The following SETBP1 variants were observed in gnomAD, a reference collection of about 807,000 sequenced individuals.
SETBP1 encodes the protein SET-binding protein.
Under a neutral mutation model 101.0 loss-of-function variants are expected in SETBP1, and 9 were observed. That is an observed-to-expected ratio of 0.09 (90% CI 0.05 to 0.16). SETBP1 has a LOEUF of 0.16. Among genes scored for constraint, SETBP1 ranks in the 10% least tolerant of loss-of-function variants. The pLI is 1.00. For missense variants in SETBP1, 1,858 were observed against 2,033.8 expected (o/e 0.91, Z 1.66); for synonymous variants, 818 against 788.5 (o/e 1.04, Z -0.63).
chr18:44,893,561 C>T (rs1351784376), intron 3 of SETBP1, among the ~76,000 whole-genome samples: 2 of 152,182 alleles, frequency 1.3e-5, no homozygotes, highest in Non-Finnish European at 2.9e-5. Context: ...TCAATGTTCT[C>T]TCCTCACCCC....
chr18:45,038,547 G>C lies in SETBP1; in HGVS notation c.4063G>C (p.Val1355Leu). The C allele has an allele frequency of 1.2e-6, 2 of 1,614,154 alleles. No individual in the cohort carries two copies. The highest frequency in any genetic ancestry group is 1.1e-5 in the South Asian group (1 of 91,082). The change falls in exon 5 of 6, where the codon GTG becomes CTG. Residue 1355 changes from valine to leucine, a missense_variant. Coordinates refer to ENST00000649279, the MANE Select transcript of SETBP1 (RefSeq NM_015559.3). ...TAVHSKNEGS[V>L]PTMMTRKKPA... ...AGTGCATAGTAAGAACGAAGGCTCAGTGCCCACCATGATGACCAGGAAGAA... is the reference window on the plus strand; with the variant it reads ...AGTGCATAGTAAGAACGAAGGCTCACTGCCCACCATGATGACCAGGAAGAA...
At position 44,689,376 on chromosome 18, in the gene SETBP1, T is replaced by C. The variant is rs1203989545; in HGVS notation, c.-173+8355T>C. Reference sequence around the variant, plus strand: ...GACACCTTTGTGGTCCGAGGTCTTCTGTCCACAGTGAGAAGGATAAAACCC... The same window carrying C: ...GACACCTTTGTGGTCCGAGGTCTTCCGTCCACAGTGAGAAGGATAAAACCC... On this transcript the variant is annotated intron_variant, in intron 1 of 5. Coordinates refer to ENST00000649279, the MANE Select transcript of SETBP1 (RefSeq NM_015559.3). Among the ~76,000 whole-genome samples, 12 of 152,240 alleles carry C rather than the reference T, an allele frequency of 7.9e-5. 1 individual carries two copies. Among genetic ancestry groups the C allele is most frequent in the Non-Finnish European group, 1.8e-4 (12 of 68,042 alleles).
At chr18:44,715,030 C>T (rs970822796) in intron 2 of SETBP1, among the ~76,000 whole-genome samples, 1 of 152,100 alleles carries the variant, frequency 6.6e-6, no homozygotes, top group Non-Finnish European at 1.5e-5. Flanking sequence ...CAGCTAATTA[C>T]TGAGGTTGGT....
At chr18:44,876,730 G>A (rs1568195536) in intron 3 of SETBP1, 1 of 1,540,550 alleles carries the variant, frequency 6.5e-7, no homozygotes, top group East Asian at 2.5e-5. Context: ...CAGTGAACCT[G>A]CAGTCTGGGC....
intron 2 of SETBP1, among the ~76,000 whole-genome samples, chr18:44,758,708 G>C (rs1438599198): frequency 6.6e-6 from 1 of 152,212 alleles, no homozygotes; most frequent in Non-Finnish European, 1.5e-5. Flanking sequence ...AGATCTTGCT[G>C]CTGATTTCAT....
chr18:44,932,677 TC>T (rs1418191716), intron 3 of SETBP1, among the ~76,000 whole-genome samples: 1 of 152,226 alleles, frequency 6.6e-6, no homozygotes, highest in African/African-American at 2.4e-5. Context: ...TCTTCTCGCT[TC>T]ATTTCATTTA....
intron 4 of SETBP1, among the ~76,000 whole-genome samples, chr18:45,002,289 C>T (rs1002547508): frequency 6.8e-6 from 1 of 147,206 alleles, no homozygotes; most frequent in Non-Finnish European, 1.5e-5. Flanking sequence ...TTGAGAAGAA[C>T]CATTTTTTTT....
chr18:44,693,364 G>A (rs145262314), intron 1 of SETBP1, among the ~76,000 whole-genome samples: 1 of 152,306 alleles, frequency 6.6e-6, no homozygotes, highest in African/African-American at 2.4e-5. Flanking sequence ...AGAAGGCAGA[G>A]TTTGAAACCA....
At chr18:45,054,998 A>G (rs1436804369) in intron 5 of SETBP1, among the ~76,000 whole-genome samples, 1 of 152,250 alleles carries the variant, frequency 6.6e-6, no homozygotes, top group African/African-American at 2.4e-5. Context: ...GGGGAATATA[A>G]AGATGAATGC....
chr18:44,855,285 TTTTA>T (rs1208082087), intron 2 of SETBP1, among the ~76,000 whole-genome samples: 13 of 152,158 alleles, frequency 8.5e-5, no homozygotes, highest in Admixed American at 2.6e-4. Flanking sequence ...GTTTTGGGGT[TTTTA>T]TTTGTTTGTT....
At chr18:44,932,994 A>G (rs1474352857) in intron 3 of SETBP1, among the ~76,000 whole-genome samples, 1 of 152,200 alleles carries the variant, frequency 6.6e-6, no homozygotes, top group East Asian at 1.9e-4. Context: ...CGTTGCTCAC[A>G]AGGAGCTGCA....
At chr18:44,907,649 T>C (rs139536921) in intron 3 of SETBP1, among the ~76,000 whole-genome samples, 1 of 152,320 alleles carries the variant, frequency 6.6e-6, no homozygotes, top group African/African-American at 2.4e-5. Flanking sequence ...CATATGTATA[T>C]TTTTTGGAAA....
At chr18:44,909,828 C>T (rs1243693758) in intron 3 of SETBP1, among the ~76,000 whole-genome samples, 1 of 152,174 alleles carries the variant, frequency 6.6e-6, no homozygotes, top group Non-Finnish European at 1.5e-5. Flanking sequence ...TATACCATGT[C>T]AACCCTCTTC....
chr18:45,055,241 A>G (rs1414626672), intron 5 of SETBP1, among the ~76,000 whole-genome samples: 1 of 152,212 alleles, frequency 6.6e-6, no homozygotes, highest in Non-Finnish European at 1.5e-5. Context: ...TTTGAAAAAG[A>G]AAGGACAACT....
chr18:44,971,517 C>T (rs1295915703), intron 4 of SETBP1, among the ~76,000 whole-genome samples: 1 of 152,200 alleles, frequency 6.6e-6, no homozygotes, highest in East Asian at 1.9e-4. Flanking sequence ...TCCTATTTCT[C>T]CACATCCTCT....
chr18:44,790,863 C>T (rs917963239), intron 2 of SETBP1, among the ~76,000 whole-genome samples: 1 of 152,140 alleles, frequency 6.6e-6, no homozygotes, highest in Non-Finnish European at 1.5e-5. Flanking sequence ...TAAAAATGTA[C>T]ATTCCTTAAA....
intron 2 of SETBP1, among the ~76,000 whole-genome samples, chr18:44,853,187 C>T (rs1390416121): frequency 6.6e-6 from 1 of 152,206 alleles, no homozygotes; most frequent in Non-Finnish European, 1.5e-5. Flanking sequence ...CAACCTTATG[C>T]TGAGGTGGCC....
intron 3 of SETBP1, among the ~76,000 whole-genome samples, chr18:44,948,915 A>G (rs2071273114): frequency 6.6e-6 from 1 of 152,202 alleles, no homozygotes. Flanking sequence ...GATTCTGGAG[A>G]CATTCCTTTA....
chr18:44,936,385 C>T (rs2070957759), intron 3 of SETBP1, among the ~76,000 whole-genome samples: 1 of 152,244 alleles, frequency 6.6e-6, no homozygotes, highest in Non-Finnish European at 1.5e-5. Flanking sequence ...TCCAAGCCTG[C>T]CCCATGGCTG....
Sources: gnomAD v4.1 joint callset for allele counts (sites outside exome capture counted in the v4.1 genomes callset) on GRCh38, gnomAD v4.1.1 for gene constraint, MANE v1.5 for transcripts, NCBI Gene and HGNC (gene_info 2026-07-23, HGNC 2026-07-21) for gene names.